TANC2: variants seen among roughly 807,000 people sequenced by gnomAD.
TANC2 encodes protein TANC2.
A neutral mutation model predicts 210.5 loss-of-function variants in TANC2; 26 were observed. The ratio of observed to expected loss-of-function variants is 0.12; its 90% CI spans 0.09 to 0.17. The LOEUF is 0.17. Among genes scored for constraint, TANC2 ranks in the 10% least tolerant of loss-of-function variants. The pLI is 1.00. For synonymous variants in TANC2, 931 were observed against 967.1 expected (o/e 0.96, Z 0.69); for missense variants, 2,129 against 2,608.9 (o/e 0.82, Z 4.01).
intron 4 of TANC2, among the ~76,000 whole-genome samples, chr17:63,135,802 C>G (rs1484517309): frequency 6.6e-6 from 1 of 152,058 alleles, no homozygotes; most frequent in Admixed American, 6.6e-5. Context: ...CCAATATATC[C>G]AAACTTTGAA....
At chr17:63,045,841 A>G (rs773931574) in intron 2 of TANC2, among the ~76,000 whole-genome samples, 1 of 152,054 alleles carries the variant, frequency 6.6e-6, no homozygotes, top group Non-Finnish European at 1.5e-5. Context: ...GTGTCTCACT[A>G]TATTGCCTAG....
chr17:63,178,423 A>G (rs2040667489), intron 5 of TANC2, among the ~76,000 whole-genome samples: 1 of 152,228 alleles, frequency 6.6e-6, no homozygotes, highest in Non-Finnish European at 1.5e-5. Flanking sequence ...TGATTCTCAC[A>G]GCTAGGAGCT....
chr17:63,157,772 C>T (rs769223904), intron 5 of TANC2, among the ~76,000 whole-genome samples: 1 of 151,844 alleles, frequency 6.6e-6, no homozygotes, highest in African/African-American at 2.4e-5. Context: ...ATTTTTGAGA[C>T]AGAGTCATAC....
chr17:63,120,753 G>T (rs2038433936), intron 4 of TANC2: 1 of 128,196 alleles, frequency 7.8e-6, no homozygotes, highest in Non-Finnish European at 1.6e-5. Context: ...AGGTAAAGTT[G>T]TAGTGAGCCG....
Position 63,225,714 on chromosome 17 carries a change from A to T in TANC2, c.770-12100A>T, listed in dbSNP as rs537086471. 7.9e-5 allele frequency among the ~76,000 whole-genome samples: 12 copies of T among 152,300 alleles called. No homozygotes were observed. The South Asian group carries it at 2.3e-3, about 29-fold the overall frequency. On this transcript the variant is annotated intron_variant, in intron 7 of 27. Transcript: ENST00000689528. ...TACATCTAATCAAATTATCAAGTCC[A>T]TTCATTATTTTTCATCTCCTTTGTC...
chr17:63,204,111 T>C (rs774933658), intron 7 of TANC2, among the ~76,000 whole-genome samples: 1 of 151,962 alleles, frequency 6.6e-6, no homozygotes, highest in Non-Finnish European at 1.5e-5. Context: ...TTTAAATAAA[T>C]ACTGAGTAAA....
intron 4 of TANC2, among the ~76,000 whole-genome samples, chr17:63,108,557 A>G (rs941301129): frequency 2.0e-5 from 3 of 151,856 alleles, no homozygotes; most frequent in Non-Finnish European, 4.4e-5. Flanking sequence ...CACGCCTGTA[A>G]TCCCAGCACT....
At chr17:63,185,835 A>G (rs1451124100) in intron 5 of TANC2, among the ~76,000 whole-genome samples, 2 of 151,828 alleles carry the variant, frequency 1.3e-5, no homozygotes, top group South Asian at 2.1e-4. Flanking sequence ...TCTATTTTTT[A>G]ATTGGATTGT....
At chr17:62,985,361 C>T (rs192188240) in intron 1 of TANC2, among the ~76,000 whole-genome samples, 1 of 152,194 alleles carries the variant, frequency 6.6e-6, no homozygotes, top group African/African-American at 2.4e-5. Context: ...ACCTCTTCGG[C>T]TTGAATCTGT....
intron 3 of TANC2, among the ~76,000 whole-genome samples, chr17:63,090,413 C>G (rs573750681): frequency 6.6e-6 from 1 of 152,134 alleles, no homozygotes; most frequent in African/African-American, 2.4e-5. Flanking sequence ...CTTCCTGTGT[C>G]CATGTGTTCT....
intron 5 of TANC2, among the ~76,000 whole-genome samples, chr17:63,173,185 T>A (rs2040465971): frequency 6.6e-6 from 1 of 152,180 alleles, no homozygotes; most frequent in Non-Finnish European, 1.5e-5. Flanking sequence ...ACATTTATCC[T>A]CAAAAATCAA....
chr17:63,030,594 C>G (rs894354272), intron 2 of TANC2, among the ~76,000 whole-genome samples: 1 of 151,692 alleles, frequency 6.6e-6, no homozygotes, highest in African/African-American at 2.4e-5. Context: ...CACCCCCCAC[C>G]CCCCGATTCA....
chr17:63,057,653 A>G (rs2144491596), intron 2 of TANC2, among the ~76,000 whole-genome samples: 1 of 152,174 alleles, frequency 6.6e-6, no homozygotes, highest in East Asian at 1.9e-4. Context: ...CTCATCATTT[A>G]GCTCCCACTT....
At chr17:63,078,840 G>A (rs1463412570) in intron 3 of TANC2, among the ~76,000 whole-genome samples, 4 of 152,068 alleles carry the variant, frequency 2.6e-5, no homozygotes, top group South Asian at 2.1e-4. Context: ...TTCTGTGTGC[G>A]CTTTAAAAGA....
chr17:63,353,015 A>C (rs2046664004), intron 13 of TANC2, among the ~76,000 whole-genome samples: 1 of 152,298 alleles, frequency 6.6e-6, no homozygotes, highest in African/African-American at 2.4e-5. Flanking sequence ...ACTGGATAGT[A>C]GTTGTTTTAG....
At chr17:63,331,551 C>A (rs1166426833) in intron 11 of TANC2, among the ~76,000 whole-genome samples, 1 of 152,196 alleles carries the variant, frequency 6.6e-6, no homozygotes, top group Non-Finnish European at 1.5e-5. Flanking sequence ...CTTCGTATTA[C>A]TGGTGAGGAA....
chr17:63,091,728 G>GT (rs745625215), intron 3 of TANC2, among the ~76,000 whole-genome samples: 2 of 152,160 alleles, frequency 1.3e-5, no homozygotes, highest in Admixed American at 6.5e-5. Flanking sequence ...CTTTAAAGTA[G>GT]TTTTTTCCAA....
intron 5 of TANC2, among the ~76,000 whole-genome samples, chr17:63,167,516 G>C (rs546229945): frequency 7.2e-4 from 110 of 152,046 alleles, no homozygotes; most frequent in Middle Eastern, 3.4e-3. Context: ...TAGTTCAGTG[G>C]TTCTTAATTT....
intron 5 of TANC2, among the ~76,000 whole-genome samples, chr17:63,174,582 A>G (rs2040513936): frequency 6.6e-6 from 1 of 152,222 alleles, no homozygotes; most frequent in African/African-American, 2.4e-5. Flanking sequence ...TTTGGTGTAA[A>G]TAAAGCCCCT....
Sources: allele counts gnomAD v4.1 joint callset (sites outside exome capture counted in the v4.1 genomes callset), GRCh38; gene constraint gnomAD v4.1.1; transcripts MANE v1.5; gene names NCBI Gene and HGNC (gene_info 2026-07-23, HGNC 2026-07-21).